COL22A1: variants seen among roughly 807,000 people sequenced by gnomAD.
COL22A1 encodes collagen alpha-1(XXII) chain.
Under a neutral mutation model 248.9 loss-of-function variants are expected in COL22A1, and 221 were observed. The observed-to-expected ratio is 0.89, with a 90% CI of 0.80 to 0.99. The LOEUF is 0.99. Ranked by LOEUF, COL22A1 falls within the 50% of genes least tolerant of loss-of-function variation. COL22A1 has a pLI of 0.00. For synonymous variants in COL22A1, 891 were observed against 793.4 expected (o/e 1.12, Z -2.07); for missense variants, 2,240 against 2,179.0 (o/e 1.03, Z -0.56).
chr8:138,629,307 C>A (rs1160128378), intron 50 of COL22A1, among the ~76,000 whole-genome samples: 4 of 152,062 alleles, frequency 2.6e-5, no homozygotes, highest in Admixed American at 2.6e-4. Context: ...CAGGCATGTG[C>A]CACCGTGCGA....
At chr8:138,646,567 T>G in intron 47 of COL22A1, 62 bp downstream of exon 47, 41 of 1,298,516 alleles carry the variant, frequency 3.2e-5, no homozygotes, top group Non-Finnish European at 4.1e-5. Context: ...TTCCTTAAAT[T>G]GAGATTAACC....
Position 138,808,189 on chromosome 8 carries a change from G to A in COL22A1, c.1450-377C>T, listed in dbSNP as rs115706710. Among the ~76,000 whole-genome samples the A allele has an allele frequency of 9.3e-4, 142 of 152,294 alleles. 1 individual carries two copies. Among genetic ancestry groups the A allele is most frequent in the African/African-American group, 3.1e-3 (129 of 41,564 alleles). The stretch of plus-strand genomic sequence containing the variant: ...TATGGAGCGGGAGGAATACACACAC[G>A]TTGTCAAAGACTACATGCCTCAGAC... On this transcript the variant is annotated intron_variant, in intron 9 of 64. Coordinates refer to ENST00000303045, the MANE Select transcript of COL22A1 (RefSeq NM_152888.3).
At chr8:138,743,009 G>A (rs1262510827) in intron 22 of COL22A1, among the ~76,000 whole-genome samples, 2 of 151,074 alleles carry the variant, frequency 1.3e-5, no homozygotes, top group African/African-American at 2.4e-5. Context: ...GATGATGGTA[G>A]TAGTGATTGT....
intron 3 of COL22A1, among the ~76,000 whole-genome samples, chr8:138,873,698 T>C (rs1033531685): frequency 2.0e-5 from 3 of 152,340 alleles, no homozygotes; most frequent in East Asian, 3.9e-4. Flanking sequence ...TACTGCGTCA[T>C]GGGCACCTGG....
chr8:138,677,512 A>AATTATTTTGAAATTATT (rs879270437), intron 40 of COL22A1, among the ~76,000 whole-genome samples: 20 of 152,086 alleles, frequency 1.3e-4, no homozygotes, highest in African/African-American at 4.6e-4. Flanking sequence ...AGGCCGAGCC[A>AATTATTTTGAAATTATT]CGCCTTATTC....
Position 138,802,942 on chromosome 8 carries a change from G to T in COL22A1, c.1495-8C>A, listed in dbSNP as rs755268851. 1.9e-6 allele frequency: 3 copies of T among 1,611,238 alleles called. No individual in the cohort carries two copies. The Admixed American group carries it at 5.0e-5, about 27-fold the overall frequency. ...AATGGCTCCTATGTCTCCCTGAGGGGTTGAGACCAGAGACAAGCATCAGAT... is the reference window on the plus strand; with the variant it reads ...AATGGCTCCTATGTCTCCCTGAGGGTTTGAGACCAGAGACAAGCATCAGAT... On this transcript the variant is annotated splice_region_variant and splice_polypyrimidine_tract_variant and intron_variant, in intron 10 of 64. Transcript: ENST00000303045.
intron 62 of COL22A1, among the ~76,000 whole-genome samples, chr8:138,595,175 G>T (rs1233444974): frequency 6.6e-6 from 1 of 152,124 alleles, no homozygotes; most frequent in African/African-American, 2.4e-5. Flanking sequence ...CTGACTGCCT[G>T]GTTGATCACT....
At chr8:138,833,188 G>C (rs760822762) in intron 4 of COL22A1, 38 bp from the exon 5 acceptor site, 3 of 1,431,658 alleles carry the variant, frequency 2.1e-6, no homozygotes, top group African/African-American at 1.4e-5. Context: ...GTTTGGAGAA[G>C]GAAGAGTATA....
At chr8:138,643,197 T>A (rs555409963) in intron 47 of COL22A1, among the ~76,000 whole-genome samples, 44 of 152,294 alleles carry the variant, frequency 2.9e-4, no homozygotes, top group African/African-American at 1.0e-3. Flanking sequence ...AGTAAGGAGT[T>A]CCAACATTTG....
At chr8:138,777,054 C>T (rs912196948) in intron 15 of COL22A1, among the ~76,000 whole-genome samples, 18 of 152,170 alleles carry the variant, frequency 1.2e-4, no homozygotes, top group African/African-American at 4.1e-4. Flanking sequence ...CAGGCAATGG[C>T]GCAGGGTAGG....
Position 138,779,530 on chromosome 8 carries a change from C to G in COL22A1, c.1683G>C (p.Leu561=). The part of the protein sequence containing the change: ...GEPGELGEPG[L]PGEVGMRGPQ... Reference sequence around the variant, plus strand: ...TCACCCGCATGCCGACCTCACCCGGCAGCCCCGGCTCTCCCAGCTCTCCTG... The same window carrying G: ...TCACCCGCATGCCGACCTCACCCGGGAGCCCCGGCTCTCCCAGCTCTCCTG... The change falls in exon 14 of 65, where the codon CTG becomes CTC. Residue 561 remains leucine (L), a synonymous_variant. Coordinates refer to ENST00000303045, the MANE Select transcript of COL22A1 (RefSeq NM_152888.3). The G allele has an allele frequency of 6.2e-7, 1 of 1,613,516 alleles. No homozygotes were observed. The highest frequency in any genetic ancestry group is 8.5e-7 in the Non-Finnish European group (1 of 1,179,446).
intron 2 of COL22A1, among the ~76,000 whole-genome samples, chr8:138,882,709 C>T (rs920567212): frequency 6.6e-6 from 1 of 151,282 alleles, no homozygotes; most frequent in Non-Finnish European, 1.5e-5. Context: ...GTCAAACACA[C>T]ACTCCCTCAC....
At chr8:138,826,567 C>T in intron 6 of COL22A1, 91 bp downstream of exon 6, 1 of 1,383,822 alleles carries the variant, frequency 7.2e-7, no homozygotes, top group Non-Finnish European at 1.0e-6. Context: ...GGGATAAGAG[C>T]CCTGGAGAAA....
chr8:138,650,715 T>C (rs564765284), intron 45 of COL22A1, among the ~76,000 whole-genome samples: 3 of 145,212 alleles, frequency 2.1e-5, no homozygotes, highest in South Asian at 4.4e-4. Flanking sequence ...GATAGATAGA[T>C]AGACAGATAG....
At chr8:138,722,996 A>G (rs11166839) in intron 25 of COL22A1, among the ~76,000 whole-genome samples, 94,881 of 151,450 alleles carry the variant, frequency 0.63, 30,316 homozygotes, top group East Asian at 0.97. Flanking sequence ...GCAAACCACC[A>G]TGGCACATGT....
At chr8:138,826,201 A>G (rs1161655906) in intron 6 of COL22A1, among the ~76,000 whole-genome samples, 1 of 152,170 alleles carries the variant, frequency 6.6e-6, no homozygotes, top group African/African-American at 2.4e-5. Context: ...TACAGCTAAG[A>G]AAACCAAGAC....
At chr8:138,715,518 G>A (rs892707353) in intron 30 of COL22A1, among the ~76,000 whole-genome samples, 164 bp downstream of exon 30, 11 of 145,304 alleles carry the variant, frequency 7.6e-5, no homozygotes, top group African/African-American at 2.0e-4. Context: ...GCAGTGAGAC[G>A]AGATCATGCC....
chr8:138,730,415 G>A (rs1830626201), intron 23 of COL22A1, among the ~76,000 whole-genome samples: 1 of 152,114 alleles, frequency 6.6e-6, no homozygotes, highest in South Asian at 2.1e-4. Context: ...ACGTACCGCT[G>A]TGTTCTCTCT....
chr8:138,593,556 C>G (rs969500034), intron 63 of COL22A1, among the ~76,000 whole-genome samples: 1 of 152,140 alleles, frequency 6.6e-6, no homozygotes, highest in African/African-American at 2.4e-5. Context: ...ATGGCCTCCG[C>G]CCTTTGAAGG....
Sources: allele counts gnomAD v4.1 joint callset (sites outside exome capture counted in the v4.1 genomes callset), GRCh38; gene constraint gnomAD v4.1.1; transcripts MANE v1.5; gene names NCBI Gene and HGNC (gene_info 2026-07-23, HGNC 2026-07-21).